Variants in IL36B observed in about 807,000 individuals in gnomAD.
IL36B encodes the protein interleukin-36 beta.
A neutral mutation model predicts 19.3 loss-of-function variants in IL36B; 23 were observed. The ratio of observed to expected loss-of-function variants is 1.19; its 90% CI spans 0.86 to 1.69. The LOEUF (loss-of-function observed/expected upper bound fraction) is 1.69. Ranked by LOEUF, IL36B falls within the 40% of genes most tolerant of loss-of-function variation. The pLI is 0.00. For missense variants in IL36B, 217 were observed against 200.5 expected (o/e 1.08, Z -0.50); for synonymous variants, 59 against 59.7 (o/e 0.99, Z 0.05).
intron 1 of IL36B, among the ~76,000 whole-genome samples, chr2:113,050,607 TA>T (rs1211760486): frequency 6.6e-6 from 1 of 152,184 alleles, no homozygotes; most frequent in Non-Finnish European, 1.5e-5. Context: ...TGGTAATTTT[TA>T]TATTATGTAT....
At chr2:113,026,256 T>C in intron 4 of IL36B, 2 of 1,613,062 alleles carry the variant, frequency 1.2e-6, no homozygotes, top group East Asian at 2.2e-5. Flanking sequence ...ATGTTCAATG[T>C]TGCTGAGATA....
At chr2:113,042,534 A>G (rs1376554850) in intron 1 of IL36B, among the ~76,000 whole-genome samples, 1 of 152,040 alleles carries the variant, frequency 6.6e-6, no homozygotes, top group Non-Finnish European at 1.5e-5. Flanking sequence ...GCTTTCTGTC[A>G]CTATAGGTTT....
rs34865125 is a variant in IL36B at position 113,028,887 on chromosome 2, AATAG to A, written c.261+48_261+51del. 1,077 of 1,506,646 alleles carry A rather than the reference AATAG, an allele frequency of 7.1e-4. 6 individuals are homozygous for A. In the African/African-American group the frequency reaches 0.014, roughly 19 times the overall value. 93.3% of individuals were successfully genotyped at this position (1,506,646 alleles called of 1,614,324 possible). A position where few individuals can be genotyped will look rare whatever the true frequency, so the allele number is the denominator to read the frequency against. On this transcript the variant is annotated intron_variant, in intron 4 of 5. Transcript: ENST00000259213. Reference sequence around the variant, plus strand: ...TTTTATTCAGTAACATAGTAAATGAAATAGAAAGTCCATATGACAGTACTTCTCT... The same window carrying A: ...TTTTATTCAGTAACATAGTAAATGAAAAAGTCCATATGACAGTACTTCTCT...
At position 113,031,037 on chromosome 2, in the gene IL36B, T is replaced by C. The variant is rs1271814224; in HGVS notation, c.121+11A>G. ...CCTCAAGAAGCAACAGTGGGTTTGATTGTCACTCACCAGGCTTAATGCTGC... is the reference window on the plus strand; with the variant it reads ...CCTCAAGAAGCAACAGTGGGTTTGACTGTCACTCACCAGGCTTAATGCTGC... On this transcript the variant is annotated intron_variant, in intron 3 of 5. Transcript: ENST00000259213. 1 of 1,581,376 alleles carries C rather than the reference T, an allele frequency of 6.3e-7. No homozygotes were observed. Among genetic ancestry groups the C allele is most frequent in the Non-Finnish European group, 8.7e-7 (1 of 1,150,270 alleles).
intron 1 of IL36B, among the ~76,000 whole-genome samples, chr2:113,034,033 G>A (rs939071390): frequency 9.9e-5 from 15 of 152,126 alleles, no homozygotes; most frequent in African/African-American, 2.7e-4. Context: ...TGTCCACCTA[G>A]CAGTGACCAG....
In IL36B at chr2:113,026,106, C is replaced by G; in HGVS notation, c.388G>C (p.Val130Leu). ...GATAAGAGAATTTGCTCCTCACCCACTCCTATTCCCCATTGGTCAAGGGTT... is the reference window on the plus strand; with the variant it reads ...GATAAGAGAATTTGCTCCTCACCCAGTCCTATTCCCCATTGGTCAAGGGTT... Residue 130 changes from valine (V) to leucine (L), a missense_variant, in exon 5 of 6, where the codon GTG becomes CTG. Physicochemically the swap from Val to Leu is conservative, Grantham distance 32. Coordinates refer to ENST00000259213, the MANE Select transcript of IL36B (RefSeq NM_014438.5). 6.2e-7 allele frequency: 1 copy of G among 1,613,546 alleles called. No homozygotes were observed. The highest frequency in any genetic ancestry group is 1.3e-5 in the African/African-American group (1 of 75,028).
rs35030818 is a variant in IL36B at position 113,046,461 on chromosome 2, G to A, written c.-58+6356C>T. ...CCTGACCTCGTGATCCGCCCACCTC[G>A]GCCCCCAAAGTGTTGGGATTACAGG... On this transcript the variant is annotated intron_variant, in intron 1 of 5. Coordinates refer to ENST00000259213, the MANE Select transcript of IL36B (RefSeq NM_014438.5). 2.1e-3 allele frequency among the ~76,000 whole-genome samples: 312 copies of A among 152,018 alleles called. 3 individuals carry two copies. The highest frequency in any genetic ancestry group is 7.0e-3 in the African/African-American group (290 of 41,512).
At chr2:113,027,761 G>C in intron 4 of IL36B, 26 of 1,453,962 alleles carry the variant, frequency 1.8e-5, no homozygotes, top group Non-Finnish European at 2.4e-5. Context: ...TGGAGGAGGA[G>C]GTGGCTTTTG....
intron 1 of IL36B, among the ~76,000 whole-genome samples, chr2:113,050,073 A>G (rs185363173): frequency 2.6e-5 from 4 of 152,236 alleles, no homozygotes; most frequent in African/African-American, 9.6e-5. Flanking sequence ...TAAACATAGA[A>G]TTATCCATAT....
intron 1 of IL36B, among the ~76,000 whole-genome samples, chr2:113,045,511 C>T (rs1399129673): frequency 6.6e-6 from 1 of 152,096 alleles, no homozygotes; most frequent in Non-Finnish European, 1.5e-5. Context: ...TTATGGTTTT[C>T]ATGAAATTTA....
chr2:113,042,375 A>G (rs1230969977), intron 1 of IL36B, among the ~76,000 whole-genome samples: 2 of 152,220 alleles, frequency 1.3e-5, no homozygotes, highest in African/African-American at 4.8e-5. Flanking sequence ...ATACAATTTG[A>G]TAAGTTTTGA....
At chr2:113,045,613 C>T (rs998491883) in intron 1 of IL36B, among the ~76,000 whole-genome samples, 1 of 152,108 alleles carries the variant, frequency 6.6e-6, no homozygotes, top group Non-Finnish European at 1.5e-5. Flanking sequence ...TTGAATTAGT[C>T]CCATATATCA....
intron 1 of IL36B, among the ~76,000 whole-genome samples, chr2:113,043,262 CA>C (rs936422524): frequency 6.6e-6 from 1 of 151,970 alleles, no homozygotes; most frequent in Non-Finnish European, 1.5e-5. Context: ...TAGAATCTTT[CA>C]AAAAGAAATT....
intron 5 of IL36B, chr2:113,026,063 T>C (rs551845066): frequency 1.2e-6 from 2 of 1,605,358 alleles, no homozygotes; most frequent in African/African-American, 2.7e-5. Flanking sequence ...CATCTCAGAA[T>C]TGTCCACCTG....
chr2:113,037,375 T>C (rs1685182839), intron 1 of IL36B, among the ~76,000 whole-genome samples: 1 of 152,100 alleles, frequency 6.6e-6, no homozygotes. Context: ...TGAGGCTGGG[T>C]GTGGTGGCTC....
intron 5 of IL36B, among the ~76,000 whole-genome samples, chr2:113,025,366 C>T (rs1232012640): frequency 1.3e-5 from 2 of 152,198 alleles, no homozygotes; most frequent in Admixed American, 6.5e-5. Context: ...TTCTCCCTGA[C>T]ACACTTTGGT....
intron 1 of IL36B, among the ~76,000 whole-genome samples, chr2:113,045,980 G>A (rs1685341570): frequency 6.6e-6 from 1 of 152,024 alleles, no homozygotes; most frequent in African/African-American, 2.4e-5. Context: ...TGCCTTTCTT[G>A]TAAGCGTTGG....
At position 113,026,114 on chromosome 2, in the gene IL36B, C is replaced by T. The variant is rs533297382; in HGVS notation, c.380G>A (p.Gly127Glu). ...AATTTGCTCCTCACCCACTCCTATTCCCCATTGGTCAAGGGTTCCCATGAA... is the reference window on the plus strand; with the variant it reads ...AATTTGCTCCTCACCCACTCCTATTTCCCATTGGTCAAGGGTTCCCATGAA... The change falls in exon 5 of 6, where the codon GGA becomes GAA. Residue 127 changes from glycine to glutamate, a missense_variant. Gly to Glu is a moderately conservative substitution (Grantham distance 98, BLOSUM62 -2). Transcript: ENST00000259213. The T allele has an allele frequency of 2.5e-6, 4 of 1,613,646 alleles. No individual in the cohort carries two copies. Among genetic ancestry groups the T allele is most frequent in the African/African-American group, 2.7e-5 (2 of 75,026 alleles).
At chr2:113,024,772 G>C (rs574828859) in intron 5 of IL36B, among the ~76,000 whole-genome samples, 2 of 152,154 alleles carry the variant, frequency 1.3e-5, no homozygotes, top group African/African-American at 4.8e-5. Flanking sequence ...GCACTGTCCA[G>C]GATTACATTG....
Sources: gnomAD v4.1 joint callset for allele counts (sites outside exome capture counted in the v4.1 genomes callset) on GRCh38, gnomAD v4.1.1 for gene constraint, MANE v1.5 for transcripts, NCBI Gene and HGNC (gene_info 2026-07-23, HGNC 2026-07-21) for gene names.